TSHZ2: variants seen among roughly 807,000 people sequenced by gnomAD.
TSHZ2 encodes the protein teashirt zinc finger homeobox 2.
A neutral mutation model predicts 74.4 loss-of-function variants in TSHZ2; 21 were observed. The ratio of observed to expected loss-of-function variants is 0.28; its 90% CI spans 0.20 to 0.41. TSHZ2 has a LOEUF of 0.41. TSHZ2 is among the 10% of genes least tolerant of loss of function. The probability of loss-of-function intolerance (pLI) is 1.00; values close to 1 mark genes in which losing one functional copy is unlikely to be tolerated. For missense variants in TSHZ2, 1,244 were observed against 1,293.5 expected, an observed-to-expected ratio of 0.96 and a Z score of 0.59; for synonymous variants, 540 against 515.3, an observed-to-expected ratio of 1.05 and a Z score of -0.65.
At chr20:53,360,876 A>T (rs1291157050) in intron 2 of TSHZ2, among the ~76,000 whole-genome samples, 5 of 152,226 alleles carry the variant, frequency 3.3e-5, no homozygotes, top group African/African-American at 1.2e-4. Context: ...TGTGTTCAGG[A>T]TAATGCCAGA....
chr20:53,245,944 T>C (rs1990190551), intron 1 of TSHZ2, among the ~76,000 whole-genome samples: 2 of 152,164 alleles, frequency 1.3e-5, no homozygotes, highest in Non-Finnish European at 2.9e-5. Context: ...GTATTTAGTT[T>C]TGTCCACACA....
At chr20:53,292,265 T>A (rs1181682953) in intron 2 of TSHZ2, among the ~76,000 whole-genome samples, 1 of 152,138 alleles carries the variant, frequency 6.6e-6, no homozygotes, top group African/African-American at 2.4e-5. Flanking sequence ...AGAGAGTTAA[T>A]CTGAGACCAT....
chr20:53,401,026 AG>A (rs1453596300), intron 2 of TSHZ2: 1 of 152,222 alleles, frequency 6.6e-6, no homozygotes, highest in Admixed American at 6.5e-5. Flanking sequence ...TTGACCAATG[AG>A]GCTCCTGAGG....
intron 2 of TSHZ2, among the ~76,000 whole-genome samples, chr20:53,290,656 A>C (rs1440025158): frequency 2.0e-5 from 3 of 152,292 alleles, no homozygotes; most frequent in African/African-American, 7.2e-5. Context: ...AAACACAACT[A>C]TTATTGGTTT....
At chr20:53,150,133 T>A (rs1042062663) in intron 1 of TSHZ2, among the ~76,000 whole-genome samples, 2 of 152,220 alleles carry the variant, frequency 1.3e-5, no homozygotes, top group African/African-American at 4.8e-5. Flanking sequence ...GTTTTGGGGA[T>A]GGTGTCATTG....
intron 1 of TSHZ2, among the ~76,000 whole-genome samples, chr20:53,124,985 G>A (rs1390579238): frequency 2.0e-5 from 3 of 152,210 alleles, no homozygotes; most frequent in Non-Finnish European, 4.4e-5. Flanking sequence ...AAGCAAATGG[G>A]TGTGGCTCTG....
chr20:53,012,976 C>T (rs192938959), intron 1 of TSHZ2, among the ~76,000 whole-genome samples: 1 of 152,250 alleles, frequency 6.6e-6, no homozygotes, highest in East Asian at 1.9e-4. Flanking sequence ...ACAAGACAAG[C>T]TACCCTAGTT....
chr20:53,345,021 A>G (rs200624), intron 2 of TSHZ2, among the ~76,000 whole-genome samples: 86,728 of 152,088 alleles, frequency 0.57, 24,911 homozygotes, highest in East Asian at 0.64. Flanking sequence ...TGTGCAAGCA[A>G]CAGAAGCTGA....
chr20:53,035,468 T>TA lies in TSHZ2; in HGVS notation c.40+62140dup, dbSNP rs1600658101. Among the ~76,000 whole-genome samples the TA allele has an allele frequency of 5.3e-5, 8 of 152,264 alleles. 1 individual carries two copies. Reference sequence around the variant, plus strand: ...TAAAAGGTTTTAAAGGAACTTGCTATAAAAACTCAAGAGGAAATTAAATGC... The same window carrying TA: ...TAAAAGGTTTTAAAGGAACTTGCTATAAAAAACTCAAGAGGAAATTAAATGC... On this transcript the variant is annotated intron_variant, in intron 1 of 2. Coordinates refer to ENST00000371497, the MANE Select transcript of TSHZ2 (RefSeq NM_173485.6).
chr20:53,234,927 A>C (rs1195842370), intron 1 of TSHZ2, among the ~76,000 whole-genome samples: 2 of 152,004 alleles, frequency 1.3e-5, no homozygotes, highest in Non-Finnish European at 2.9e-5. Context: ...TTTCATTCTG[A>C]CTGCTAGGAG....
chr20:53,333,394 T>G (rs1377522357), intron 2 of TSHZ2, among the ~76,000 whole-genome samples: 1 of 151,892 alleles, frequency 6.6e-6, no homozygotes, highest in African/African-American at 2.4e-5. Flanking sequence ...GAAGGAGATG[T>G]CCTGGTTGAA....
rs139347142 is a variant in TSHZ2, at chr20:53,135,007, G to GACACACACACACAC, written c.41-118476_41-118463dup. 1.5e-3 allele frequency among the ~76,000 whole-genome samples: 221 copies of GACACACACACACAC among 148,712 alleles called. 2 individuals are homozygous for GACACACACACACAC. The East Asian group carries it at 0.019, about 13-fold the overall frequency. The stretch of plus-strand genomic sequence containing the variant: ...ACACACACACATACATGCACATGCA[G>GACACACACACACAC]ACACACACACACACACACACACACA... On this transcript the variant is annotated intron_variant, in intron 1 of 2. Transcript: ENST00000371497.
intron 2 of TSHZ2, among the ~76,000 whole-genome samples, chr20:53,470,468 TA>T (rs1436694437): frequency 2.6e-5 from 4 of 152,200 alleles, no homozygotes; most frequent in Non-Finnish European, 5.9e-5. Flanking sequence ...ATTACACCGC[TA>T]AGCATCATGT....
At chr20:52,977,672 C>T (rs941237963) in intron 1 of TSHZ2, among the ~76,000 whole-genome samples, 4 of 152,144 alleles carry the variant, frequency 2.6e-5, no homozygotes, top group Non-Finnish European at 4.4e-5. Flanking sequence ...CTCACCTCAC[C>T]CTTAAAGACT....
Position 53,253,887 on chromosome 20 carries a change from T to C in TSHZ2, c.429T>C (p.Leu143=), listed in dbSNP as rs1235526406. The C allele has an allele frequency of 2.5e-6, 4 of 1,614,076 alleles. No homozygotes were observed. In the Admixed American group the frequency reaches 6.7e-5, roughly 27 times the overall value. ...ATTCCTACTGGTCAGGCCTGGGCCTTGGCTTCAAGCTGTCCAATAGTGAGA... is the reference window on the plus strand; with the variant it reads ...ATTCCTACTGGTCAGGCCTGGGCCTCGGCTTCAAGCTGTCCAATAGTGAGA... ...LSDSYWSGLG[L]GFKLSNSERR... is the part of the protein sequence containing the mutation. The change falls in exon 2 of 3, where the codon CTT becomes CTC. Residue 143 remains leucine (L), a synonymous_variant. Coordinates refer to ENST00000371497, the MANE Select transcript of TSHZ2 (RefSeq NM_173485.6).
rs1319378043 is a variant in TSHZ2, at chr20:53,493,793, G to C, written c.*6658G>C. 1 of 151,756 alleles carries C rather than the reference G, an allele frequency of 6.6e-6. No homozygotes were observed. Among genetic ancestry groups the C allele is most frequent in the African/African-American group, 2.4e-5 (1 of 41,292 alleles). 9.4% of individuals were successfully genotyped at this position (151,756 alleles called of 1,614,324 possible). ...GATTATACCACCCTGTGGCCAAACA[G>C]ATTCATCACAGATAGGCATCTATGC... On this transcript the variant is annotated 3_prime_UTR_variant, in exon 3 of 3. Coordinates refer to ENST00000371497, the MANE Select transcript of TSHZ2 (RefSeq NM_173485.6).
At chr20:53,339,918 C>T (rs1325941502) in intron 2 of TSHZ2, among the ~76,000 whole-genome samples, 1 of 152,244 alleles carries the variant, frequency 6.6e-6, no homozygotes, top group Non-Finnish European at 1.5e-5. Flanking sequence ...CCACCTGCAG[C>T]TCTCATCTGC....
At chr20:53,041,984 G>A (rs1984055815) in intron 1 of TSHZ2, among the ~76,000 whole-genome samples, 2 of 152,168 alleles carry the variant, frequency 1.3e-5, no homozygotes, top group South Asian at 4.1e-4. Flanking sequence ...GAACAGAGAG[G>A]AGCATTCTGA....
chr20:53,108,060 T>C (rs73142268), intron 1 of TSHZ2, among the ~76,000 whole-genome samples: 10,714 of 152,298 alleles, frequency 0.07, 437 homozygotes, highest in Non-Finnish European at 0.1. Context: ...GGAGCTTGAT[T>C]AAAATGTAGA....
Sources: gnomAD v4.1 joint callset for allele counts (sites outside exome capture counted in the v4.1 genomes callset) on GRCh38, gnomAD v4.1.1 for gene constraint, MANE v1.5 for transcripts, NCBI Gene and HGNC (gene_info 2026-07-23, HGNC 2026-07-21) for gene names.